TLK1: variants seen among roughly 807,000 people sequenced by gnomAD.
TLK1 encodes tousled like kinase 1, also known as serine/threonine-protein kinase tousled-like 1.
In TLK1, 24 loss-of-function variants were observed where a neutral mutation model predicts 105.3. The observed-to-expected ratio is 0.23, with a 90% CI of 0.17 to 0.32. The LOEUF (loss-of-function observed/expected upper bound fraction) is 0.32. TLK1 is among the 10% of genes least tolerant of loss of function. TLK1 has a pLI of 1.00. For missense variants in TLK1, 558 were observed against 910.5 expected (o/e 0.61, Z 4.98); for synonymous variants, 321 against 310.4 (o/e 1.03, Z -0.36).
At chr2:171,167,072 C>G (rs920260376) in intron 1 of TLK1, among the ~76,000 whole-genome samples, 3 of 152,158 alleles carry the variant, frequency 2.0e-5, no homozygotes, top group Admixed American at 1.3e-4. Context: ...GTGGTTACCT[C>G]CTTCAAGGAA....
chr2:171,075,904 C>G (rs948048824), intron 3 of TLK1, among the ~76,000 whole-genome samples: 1 of 152,104 alleles, frequency 6.6e-6, no homozygotes, highest in Non-Finnish European at 1.5e-5. Flanking sequence ...GAAACTTACT[C>G]CCCGTAGTAA....
intron 1 of TLK1, among the ~76,000 whole-genome samples, chr2:171,195,222 G>T (rs1468086133): frequency 6.6e-6 from 1 of 151,958 alleles, no homozygotes; most frequent in Non-Finnish European, 1.5e-5. Flanking sequence ...AACATAATCC[G>T]GCCGGGCGCG....
chr2:171,191,317 C>A (rs993699994), intron 1 of TLK1, among the ~76,000 whole-genome samples: 7 of 152,056 alleles, frequency 4.6e-5, no homozygotes, highest in Non-Finnish European at 1.0e-4. Flanking sequence ...GCCTTTAATC[C>A]CAACACTTTG....
intron 19 of TLK1, 34 bp from the exon 20 acceptor site, chr2:170,996,794 C>A: frequency 6.5e-7 from 1 of 1,537,772 alleles, no homozygotes; most frequent in Non-Finnish European, 8.9e-7. Flanking sequence ...AGATACTTTT[C>A]TCACAAAATA....
chr2:171,179,922 C>A (rs1237400940), intron 1 of TLK1, among the ~76,000 whole-genome samples: 1 of 151,954 alleles, frequency 6.6e-6, no homozygotes, highest in Non-Finnish European at 1.5e-5. Context: ...GGTGAAACCC[C>A]ATTTCTACTA....
At position 171,160,880 on chromosome 2, in the gene TLK1, G is replaced by A. The variant is rs1575641038; in HGVS notation, c.-452C>T. On this transcript the variant is annotated 5_prime_UTR_variant, in exon 1 of 21. Coordinates refer to ENST00000431350, the MANE Select transcript of TLK1 (RefSeq NM_012290.5). This position sits in a 1 kb window ranked among gnomAD's most constrained non-coding sequence, Gnocchi z 4.4. ...GGCTGTGGGTGGCGGCTGAGGCGGT[G>A]GGGTAACCTCTGCATCAGTTACAGG... 2.4e-5 allele frequency: 7 copies of A among 295,394 alleles called. No individual in the cohort carries two copies. The East Asian group carries it at 3.9e-4, about 16-fold the overall frequency. The allele number at this position is 295,394 out of a possible 1,614,324, so 18.3% of individuals were successfully genotyped here.
chr2:171,163,049 C>G (rs1692544056), upstream of TLK1, among the ~76,000 whole-genome samples: 1 of 152,212 alleles, frequency 6.6e-6, no homozygotes, highest in Admixed American at 6.5e-5. Context: ...ACCTTGGCCT[C>G]CCAAAGTGCT....
At chr2:171,204,901 T>G (rs1223817271) in intron 1 of TLK1, among the ~76,000 whole-genome samples, 1 of 150,898 alleles carries the variant, frequency 6.6e-6, no homozygotes, top group Non-Finnish European at 1.5e-5. Flanking sequence ...GAGGTTGCGG[T>G]CAGAGCGTGC....
At position 171,160,030 on chromosome 2, in the gene TLK1, G is replaced by T. The variant is rs951954619; in HGVS notation, c.139+260C>A. 6.6e-6 allele frequency among the ~76,000 whole-genome samples: 1 copy of T among 152,122 alleles called. No homozygotes were observed. The highest frequency in any genetic ancestry group is 1.5e-5 in the Non-Finnish European group (1 of 68,006). On this transcript the variant is annotated intron_variant, in intron 1 of 20. Transcript: ENST00000431350. The surrounding 1 kb of genome is among the most constrained non-coding windows in gnomAD (Gnocchi z 4.4). ...GGACTGGCTCCCAGGAACCCCAGGC[G>T]AGTCTATGCGCCTCGCCCCGTCCCC...
Position 171,160,541 on chromosome 2 carries a change from G to A in TLK1, c.-113C>T. 1.3e-6 allele frequency: 2 copies of A among 1,543,798 alleles called. No individual in the cohort carries two copies. The highest frequency in any genetic ancestry group is 2.2e-5 in the Admixed American group (1 of 45,392). Reference sequence around the variant, plus strand: ...GCGCTGAGGGCGAGCGAGAGAGCGAGGGCTGGGAGGGGAGAGTCAAGGGGA... The same window carrying A: ...GCGCTGAGGGCGAGCGAGAGAGCGAAGGCTGGGAGGGGAGAGTCAAGGGGA... On this transcript the variant is annotated 5_prime_UTR_variant, in exon 1 of 21. Coordinates refer to ENST00000431350, the MANE Select transcript of TLK1 (RefSeq NM_012290.5). This position sits in a 1 kb window ranked among gnomAD's most constrained non-coding sequence, Gnocchi z 4.4.
intron 1 of TLK1, among the ~76,000 whole-genome samples, chr2:171,119,011 A>C (rs752424787): frequency 3.9e-5 from 6 of 152,200 alleles, no homozygotes; most frequent in Non-Finnish European, 7.3e-5. Flanking sequence ...CCCTCTAAAA[A>C]GCTAAAGCCT....
chr2:171,152,547 T>C (rs1692084113), intron 1 of TLK1, among the ~76,000 whole-genome samples: 1 of 152,132 alleles, frequency 6.6e-6, no homozygotes, highest in Non-Finnish European at 1.5e-5. Flanking sequence ...TTGTTAGCAA[T>C]AAAAGAATTA....
At chr2:171,018,728 G>C (rs568693816) in intron 12 of TLK1, among the ~76,000 whole-genome samples, 2 of 152,260 alleles carry the variant, frequency 1.3e-5, no homozygotes, top group Non-Finnish European at 2.9e-5. Flanking sequence ...AGAACACCAA[G>C]TTTCAGTCCT....
At chr2:171,043,256 T>G (rs894201806) in intron 11 of TLK1, among the ~76,000 whole-genome samples, 2 of 152,130 alleles carry the variant, frequency 1.3e-5, no homozygotes, top group Non-Finnish European at 2.9e-5. Flanking sequence ...CTTTCATATA[T>G]TAAAGAAAAG....
At chr2:171,123,226 T>G (rs1470390107) in intron 1 of TLK1, among the ~76,000 whole-genome samples, 1 of 152,160 alleles carries the variant, frequency 6.6e-6, no homozygotes, top group Non-Finnish European at 1.5e-5. Flanking sequence ...AGACGGAGTC[T>G]TGCTCTGTTG....
At chr2:171,069,449 A>G (rs554388153) in intron 3 of TLK1, among the ~76,000 whole-genome samples, 12 of 152,318 alleles carry the variant, frequency 7.9e-5, no homozygotes, top group African/African-American at 2.9e-4. Flanking sequence ...ACCAGGAGAG[A>G]TGGTATTTGG....
At chr2:171,141,239 C>T (rs1691561503) in intron 1 of TLK1, among the ~76,000 whole-genome samples, 1 of 152,196 alleles carries the variant, frequency 6.6e-6, no homozygotes, top group South Asian at 2.1e-4. Flanking sequence ...ACGAGCTCAT[C>T]AGTCCTGTGC....
intron 1 of TLK1, among the ~76,000 whole-genome samples, chr2:171,171,519 AAAGACAGTG>A (rs1461970833): frequency 1.1e-4 from 17 of 152,160 alleles, no homozygotes; most frequent in African/African-American, 3.9e-4. Context: ...AAAAAAAAAA[AAAGACAGTG>A]AAGGCAAACA....
chr2:171,122,870 C>G (rs1352096961), intron 1 of TLK1, among the ~76,000 whole-genome samples: 1 of 151,836 alleles, frequency 6.6e-6, no homozygotes, highest in East Asian at 1.9e-4. Context: ...GAAACCCCAT[C>G]TCTACTAAAA....
Sources: gnomAD v4.1 joint callset for allele counts (sites outside exome capture counted in the v4.1 genomes callset) on GRCh38, gnomAD v4.1.1 for gene constraint, Gnocchi (gnomAD v3.1) non-coding constraint, MANE v1.5 for transcripts, NCBI Gene and HGNC (gene_info 2026-07-23, HGNC 2026-07-21) for gene names.